Variants in AGAP1 observed in about 807,000 individuals in gnomAD.
The protein encoded by AGAP1 is ArfGAP with GTPase domain, ankyrin repeat and PH domain 1.
AGAP1 carries 29 observed loss-of-function variants against 105.3 expected under a neutral mutation model. That is an observed-to-expected ratio of 0.28 (90% CI 0.21 to 0.38). The LOEUF (loss-of-function observed/expected upper bound fraction) is 0.38, where lower values mean the gene tolerates loss of function less well. AGAP1 is among the 10% of genes least tolerant of loss of function. AGAP1 has a pLI of 1.00. For synonymous variants in AGAP1, 509 were observed against 485.9 expected, an observed-to-expected ratio of 1.05 and a Z score of -0.63; for missense variants, 998 against 1,165.1, an observed-to-expected ratio of 0.86 and a Z score of 2.09.
rs1007547348 is a variant in AGAP1 at position 235,700,807 on chromosome 2, C to G, written c.164-8372C>G. ...AAAGCGAGAATCTGTCTCTGTCTCT[C>G]TCTCTCTCTCTCTGTGTATATATAG... On this transcript the variant is annotated intron_variant, in intron 1 of 17. Coordinates refer to ENST00000304032, the MANE Select transcript of AGAP1 (RefSeq NM_001037131.3). The surrounding 1 kb of genome is among the most constrained non-coding windows in gnomAD (Gnocchi z 6.1). 2.7e-5 allele frequency among the ~76,000 whole-genome samples: 4 copies of G among 150,416 alleles called. No individual in the cohort carries two copies. In the Admixed American group the frequency reaches 2.7e-4, roughly 10 times the overall value.
At position 235,659,375 on chromosome 2, in the gene AGAP1, G is replaced by C. The variant is rs1947876761; in HGVS notation, c.164-49804G>C. On this transcript the variant is annotated intron_variant, in intron 1 of 17. Transcript: ENST00000304032. This position sits in a 1 kb window ranked among gnomAD's most constrained non-coding sequence, Gnocchi z 5.0. ...GTGCCACAGTGTTGTATCTGAGTGAGTAGCGTCCTCCTTAAGCATTGGCTT... is the reference window on the plus strand; with the variant it reads ...GTGCCACAGTGTTGTATCTGAGTGACTAGCGTCCTCCTTAAGCATTGGCTT... 6.6e-6 allele frequency among the ~76,000 whole-genome samples: 1 copy of C among 152,236 alleles called. No individual in the cohort carries two copies.
intron 1 of AGAP1, among the ~76,000 whole-genome samples, chr2:235,528,060 C>A (rs1354739335): frequency 6.6e-6 from 1 of 152,154 alleles, no homozygotes; most frequent in Non-Finnish European, 1.5e-5. Flanking sequence ...TCATGATAAC[C>A]TCATTAGGCT....
chr2:235,978,504 G>A (rs956656706), intron 13 of AGAP1, among the ~76,000 whole-genome samples: 1 of 152,340 alleles, frequency 6.6e-6, no homozygotes. Context: ...AAACAACCCT[G>A]TGTGGTGTTG....
intron 9 of AGAP1, among the ~76,000 whole-genome samples, chr2:235,811,662 G>A (rs1252977581): frequency 3.3e-5 from 5 of 152,170 alleles, no homozygotes; most frequent in South Asian, 2.1e-4. Flanking sequence ...GAAAGTGTGC[G>A]GGGCATGCTC....
chr2:235,680,277 G>A (rs1161902793), intron 1 of AGAP1, among the ~76,000 whole-genome samples: 3 of 152,238 alleles, frequency 2.0e-5, no homozygotes, highest in African/African-American at 7.2e-5. Context: ...ATTCAAGGAT[G>A]TTGGGCCAGG....
chr2:235,630,993 C>T (rs1946811737), intron 1 of AGAP1, among the ~76,000 whole-genome samples: 1 of 152,212 alleles, frequency 6.6e-6, no homozygotes, highest in Admixed American at 6.5e-5. Context: ...ATTGTGAACA[C>T]ATTCTCTGGT....
chr2:235,606,967 A>C (rs1945961948), intron 1 of AGAP1, among the ~76,000 whole-genome samples: 2 of 151,428 alleles, frequency 1.3e-5, no homozygotes, highest in Non-Finnish European at 2.9e-5. Flanking sequence ...AAAAAAAAAA[A>C]AGCACTGCTT....
At chr2:235,920,488 C>T (rs1354752250) in intron 11 of AGAP1, among the ~76,000 whole-genome samples, 2 of 152,074 alleles carry the variant, frequency 1.3e-5, no homozygotes, top group African/African-American at 4.8e-5. Flanking sequence ...GTAAACTGTA[C>T]CTCTGACAAC....
intron 11 of AGAP1, among the ~76,000 whole-genome samples, chr2:235,928,904 C>T (rs532555264): frequency 8.5e-5 from 13 of 152,338 alleles, no homozygotes; most frequent in African/African-American, 3.1e-4. Context: ...GCCCACCTCC[C>T]CCGGCTGCTG....
Position 236,101,144 on chromosome 2 carries a change from G to A in AGAP1, c.2115-19048G>A, listed in dbSNP as rs1204222253. Among the ~76,000 whole-genome samples the A allele has an allele frequency of 6.6e-6, 1 of 151,994 alleles. No homozygotes were observed. The highest frequency in any genetic ancestry group is 1.5e-5 in the Non-Finnish European group (1 of 68,024). ...TTGATTTTCAATGTGTTTCCCTTTGGTTATTCCCCACTCCCATGCCTGTCC... is the reference window on the plus strand; with the variant it reads ...TTGATTTTCAATGTGTTTCCCTTTGATTATTCCCCACTCCCATGCCTGTCC... On this transcript the variant is annotated intron_variant, in intron 16 of 17. Coordinates refer to ENST00000304032, the MANE Select transcript of AGAP1 (RefSeq NM_001037131.3). This position sits in a 1 kb window ranked among gnomAD's most constrained non-coding sequence, Gnocchi z 4.9.
At chr2:235,518,673 T>G (rs1333949262) in intron 1 of AGAP1, among the ~76,000 whole-genome samples, 1 of 152,194 alleles carries the variant, frequency 6.6e-6, no homozygotes, top group Non-Finnish European at 1.5e-5. Context: ...TTGAATATTT[T>G]AGTAAGAAAA....
At chr2:235,561,986 G>A (rs1259411370) in intron 1 of AGAP1, among the ~76,000 whole-genome samples, 1 of 152,256 alleles carries the variant, frequency 6.6e-6, no homozygotes, top group South Asian at 2.1e-4. Context: ...AAGCAAACCA[G>A]CTCATACCTT....
intron 1 of AGAP1, among the ~76,000 whole-genome samples, chr2:235,652,263 C>T (rs1023013485): frequency 6.6e-6 from 1 of 152,054 alleles, no homozygotes; most frequent in Non-Finnish European, 1.5e-5. Flanking sequence ...GCAACAGGGC[C>T]CTGCTTGTCA....
intron 6 of AGAP1, among the ~76,000 whole-genome samples, chr2:235,757,416 A>G (rs1489599827): frequency 6.6e-6 from 1 of 152,120 alleles, no homozygotes; most frequent in Non-Finnish European, 1.5e-5. Flanking sequence ...TAGTGTGGCC[A>G]CAGCCTTGTG....
chr2:235,529,114 G>T (rs1234991734), intron 1 of AGAP1, among the ~76,000 whole-genome samples: 1 of 152,214 alleles, frequency 6.6e-6, no homozygotes, highest in Non-Finnish European at 1.5e-5. Flanking sequence ...TGGCCCCTAG[G>T]CCACACCTCT....
chr2:235,929,932 A>G (rs772027589), intron 11 of AGAP1, among the ~76,000 whole-genome samples: 1 of 152,196 alleles, frequency 6.6e-6, no homozygotes, highest in Non-Finnish European at 1.5e-5. Flanking sequence ...AAACAATTGG[A>G]AGAAAATTTT....
chr2:235,711,084 A>G (rs1950832019), intron 2 of AGAP1, among the ~76,000 whole-genome samples: 1 of 152,230 alleles, frequency 6.6e-6, no homozygotes, highest in Non-Finnish European at 1.5e-5. Flanking sequence ...CCACCACCGC[A>G]CTGCCTGACA....
chr2:236,123,704 G>A lies in AGAP1; in HGVS notation c.2371-215G>A, dbSNP rs2059953920. ...TTGCACAAAGGAGGGGCTTTCAGTT[G>A]AAAAAAAAAGACATGTTCTTTCCTT... On this transcript the variant is annotated intron_variant, in intron 17 of 17. Coordinates refer to ENST00000304032, the MANE Select transcript of AGAP1 (RefSeq NM_001037131.3). This position sits in a 1 kb window ranked among gnomAD's most constrained non-coding sequence, Gnocchi z 4.6. 8.2e-6 allele frequency among the ~76,000 whole-genome samples: 1 copy of A among 122,016 alleles called. No individual in the cohort carries two copies. Among genetic ancestry groups the A allele is most frequent in the Non-Finnish European group, 2.0e-5 (1 of 49,018 alleles). The allele number at this position is 122,016 out of a possible 152,430, so 80.0% of individuals were successfully genotyped here. A position where few individuals can be genotyped will look rare whatever the true frequency, so the allele number is the denominator to read the frequency against.
In AGAP1 at chr2:236,108,648, T is replaced by C. The variant is rs534392700; in HGVS notation, c.2115-11544T>C. On this transcript the variant is annotated intron_variant, in intron 16 of 17. Transcript: ENST00000304032. ...GGGGGTTCCAATAAAAATGAGCACA[T>C]TAGACTTGACCTGGAGTGCACTTTC... Among the ~76,000 whole-genome samples, 4 of 152,234 alleles carry C rather than the reference T, an allele frequency of 2.6e-5. No homozygotes were observed. In the South Asian group the frequency reaches 6.2e-4, roughly 24 times the overall value.
Sources: allele counts gnomAD v4.1 joint callset (sites outside exome capture counted in the v4.1 genomes callset), GRCh38; gene constraint gnomAD v4.1.1; non-coding constraint Gnocchi (gnomAD v3.1); transcripts MANE v1.5; gene names NCBI Gene and HGNC (gene_info 2026-07-23, HGNC 2026-07-21).